The following TANGO6 variants were observed in gnomAD, a reference collection of about 807,000 sequenced individuals.
TANGO6 encodes transport and Golgi organization protein 6 homolog.
In TANGO6, 90 loss-of-function variants were observed where a neutral mutation model predicts 114.2. The ratio of observed to expected loss-of-function variants is 0.79; its 90% CI spans 0.66 to 0.94. TANGO6 has a LOEUF of 0.94. Ranked by LOEUF, TANGO6 falls within the 40% of genes least tolerant of loss-of-function variation. The probability of loss-of-function intolerance (pLI) is 0.00; values close to 1 mark genes in which losing one functional copy is unlikely to be tolerated. For synonymous variants in TANGO6, 477 were observed against 509.8 expected, an observed-to-expected ratio of 0.94 and a Z score of 0.87; for missense variants, 1,274 against 1,315.3, an observed-to-expected ratio of 0.97 and a Z score of 0.49.
chr16:68,981,768 G>C (rs920403924), intron 15 of TANGO6, among the ~76,000 whole-genome samples: 2 of 152,122 alleles, frequency 1.3e-5, no homozygotes, highest in Non-Finnish European at 2.9e-5. Context: ...GAATGCTCCA[G>C]AATTCAAAAC....
At chr16:69,025,555 G>T (rs1229442180) in intron 16 of TANGO6, among the ~76,000 whole-genome samples, 2 of 152,230 alleles carry the variant, frequency 1.3e-5, no homozygotes. Flanking sequence ...TGTAAAATAG[G>T]TGAAGGGTGG....
At chr16:69,045,282 G>A (rs1248651258) in intron 17 of TANGO6, among the ~76,000 whole-genome samples, 5 of 142,908 alleles carry the variant, frequency 3.5e-5, no homozygotes, top group African/African-American at 5.2e-5. Flanking sequence ...GTGAAACCCC[G>A]TCTCTACTAA....
In TANGO6 at chr16:68,980,023, T is replaced by A. The variant is rs1279719369; in HGVS notation, c.2842+5855T>A. On this transcript the variant is annotated intron_variant, in intron 15 of 17. Transcript: ENST00000261778. ...CATGCCCGGCTAATTTTTTTTGGTA[T>A]TTTTAGTAGAGACGGGGTTTCACCA... Among the ~76,000 whole-genome samples, 5 of 151,946 alleles carry A rather than the reference T, an allele frequency of 3.3e-5. 1 individual carries two copies. Among genetic ancestry groups the A allele is most frequent in the Admixed American group, 2.0e-4 (3 of 15,240 alleles).
intron 17 of TANGO6, among the ~76,000 whole-genome samples, chr16:69,052,443 A>T (rs1037318218): frequency 2.0e-5 from 3 of 151,370 alleles, no homozygotes; most frequent in African/African-American, 7.3e-5. Flanking sequence ...TAATTTTTGT[A>T]TTTTTTGTGG....
chr16:68,963,023 G>T (rs1441430476), intron 14 of TANGO6, among the ~76,000 whole-genome samples: 2 of 150,592 alleles, frequency 1.3e-5, no homozygotes, highest in Non-Finnish European at 3.0e-5. Flanking sequence ...GAACCCGGGA[G>T]GCAGAGCTTG....
At chr16:68,883,197 A>G (rs1466268338) in intron 7 of TANGO6, among the ~76,000 whole-genome samples, 1 of 152,070 alleles carries the variant, frequency 6.6e-6, no homozygotes, top group East Asian at 1.9e-4. Context: ...ACTCTGCCTC[A>G]AAAAAAGAAA....
At chr16:68,911,827 G>A (rs553724921) in intron 11 of TANGO6, among the ~76,000 whole-genome samples, 4 of 152,302 alleles carry the variant, frequency 2.6e-5, no homozygotes, top group South Asian at 2.1e-4. Context: ...AAGCCTCAAG[G>A]CATCTTGTTG....
chr16:68,879,125 G>T (rs1261108656), intron 6 of TANGO6, among the ~76,000 whole-genome samples: 1 of 151,896 alleles, frequency 6.6e-6, no homozygotes, highest in East Asian at 1.9e-4. Flanking sequence ...TAAATAGAAA[G>T]ACTTATTATA....
intron 1 of TANGO6, 133 bp from the exon 2 acceptor site, chr16:68,859,751 G>A (rs1233632046): frequency 1.5e-5 from 15 of 1,018,982 alleles, no homozygotes; most frequent in Non-Finnish European, 1.2e-5. Flanking sequence ...GTACCCCTGG[G>A]GGAGGCTTTC....
At position 69,040,216 on chromosome 16, in the gene TANGO6, A is replaced by G. The variant is rs1959751065; in HGVS notation, c.2995-92A>G. The G allele has an allele frequency of 4.6e-6, 5 of 1,092,484 alleles. No individual in the cohort carries two copies. The African/African-American group carries it at 6.2e-5, about 14-fold the overall frequency. The allele number at this position is 1,092,484 out of a possible 1,614,324, so 67.7% of individuals were successfully genotyped here. ...CCCTCTCTAAGCCAGATTGCTCTTG[A>G]TGAATGTGTAGTAAGTGGAACACAG... On this transcript the variant is annotated intron_variant, in intron 16 of 17. Transcript: ENST00000261778.
At chr16:68,844,198 T>A (rs1961769304) in intron 1 of TANGO6, among the ~76,000 whole-genome samples, 1 of 152,178 alleles carries the variant, frequency 6.6e-6, no homozygotes. Context: ...ATTTAGGGGT[T>A]ACCAGGCGCT....
At chr16:68,981,287 T>G (rs1409457354) in intron 15 of TANGO6, among the ~76,000 whole-genome samples, 1 of 150,178 alleles carries the variant, frequency 6.7e-6, no homozygotes, top group Admixed American at 6.7e-5. Flanking sequence ...CTCAGCTCAT[T>G]GCAACCTCTG....
intron 15 of TANGO6, among the ~76,000 whole-genome samples, chr16:68,996,092 T>A (rs1963986809): frequency 2.6e-5 from 4 of 152,192 alleles, no homozygotes; most frequent in African/African-American, 7.2e-5. Flanking sequence ...CCTCTTCTGT[T>A]CATAAAGGGC....
At chr16:68,991,196 A>T (rs1000007416) in intron 15 of TANGO6, among the ~76,000 whole-genome samples, 8 of 152,342 alleles carry the variant, frequency 5.3e-5, no homozygotes, top group Admixed American at 3.9e-4. Flanking sequence ...CAGCTCTGAG[A>T]GCTGAGCAGA....
At chr16:68,974,748 G>A (rs1963745648) in intron 15 of TANGO6, among the ~76,000 whole-genome samples, 1 of 152,052 alleles carries the variant, frequency 6.6e-6, no homozygotes. Flanking sequence ...GGAATTAGAA[G>A]TCTCACACTT....
intron 17 of TANGO6, among the ~76,000 whole-genome samples, chr16:69,063,810 TA>T (rs869154167): frequency 1.1e-5 from 1 of 95,228 alleles, no homozygotes; most frequent in African/African-American, 5.5e-5. Flanking sequence ...TTCTTCTTCT[TA>T]TTATTATTAT....
rs558716707 is a variant in TANGO6, at chr16:68,911,067, T to C, written c.1992+1665T>C. ...GAATATTATTAGGGATCAAGATTTT[T>C]AGCATAAAAAAGAGGTATAAAGTAA... On this transcript the variant is annotated intron_variant, in intron 11 of 17. Coordinates refer to ENST00000261778, the MANE Select transcript of TANGO6 (RefSeq NM_024562.2). Among the ~76,000 whole-genome samples the C allele has an allele frequency of 6.6e-5, 10 of 152,274 alleles. No homozygotes were observed. In the East Asian group the frequency reaches 1.9e-3, roughly 29 times the overall value.
chr16:69,063,397 C>T (rs186401674), intron 17 of TANGO6, among the ~76,000 whole-genome samples: 1 of 151,748 alleles, frequency 6.6e-6, no homozygotes, highest in African/African-American at 2.4e-5. Context: ...TGATGGCAGG[C>T]GCCTGTAGTC....
intron 17 of TANGO6, among the ~76,000 whole-genome samples, chr16:69,069,787 T>TC (rs1256902070): frequency 1.3e-5 from 2 of 152,164 alleles, no homozygotes; most frequent in African/African-American, 4.8e-5. Context: ...ATATTGAATT[T>TC]CTAAATACAA....
Sources: allele counts gnomAD v4.1 joint callset (sites outside exome capture counted in the v4.1 genomes callset), GRCh38; gene constraint gnomAD v4.1.1; transcripts MANE v1.5; gene names NCBI Gene and HGNC (gene_info 2026-07-23, HGNC 2026-07-21).